Variants in GRM7 observed in about 807,000 individuals in gnomAD.
GRM7 encodes glutamate metabotropic receptor 7.
GRM7 carries 35 observed loss-of-function variants against 84.5 expected under a neutral mutation model. The ratio of observed to expected loss-of-function variants is 0.41; its 90% CI spans 0.32 to 0.55. GRM7 has a LOEUF of 0.55. GRM7 is among the 20% of genes least tolerant of loss of function. The pLI is 0.19. For synonymous variants in GRM7, 487 were observed against 455.1 expected, an observed-to-expected ratio of 1.07 and a Z score of -0.89; for missense variants, 1,003 against 1,194.6, an observed-to-expected ratio of 0.84 and a Z score of 2.36.
chr3:6,882,758 T>C (rs1695559320), intron 1 of GRM7, among the ~76,000 whole-genome samples: 2 of 152,210 alleles, frequency 1.3e-5, no homozygotes, highest in Non-Finnish European at 2.9e-5. Flanking sequence ...TGATTCCATG[T>C]CATTTAATAA....
chr3:7,399,661 G>C (rs1695364249), intron 4 of GRM7, among the ~76,000 whole-genome samples: 1 of 152,138 alleles, frequency 6.6e-6, no homozygotes. Flanking sequence ...GAGTGGCTAG[G>C]TGGCATCCTT....
intron 1 of GRM7, among the ~76,000 whole-genome samples, chr3:6,910,938 C>T (rs536426489): frequency 6.6e-6 from 1 of 152,214 alleles, no homozygotes; most frequent in South Asian, 2.1e-4. Context: ...CACTAGAAAC[C>T]ACCAATCCAG....
intron 2 of GRM7, among the ~76,000 whole-genome samples, chr3:7,153,741 CAG>C (rs1694359545): frequency 6.6e-6 from 1 of 151,998 alleles, no homozygotes; most frequent in East Asian, 1.9e-4. Context: ...GGTACTATTT[CAG>C]AGTACCTTCT....
chr3:7,173,444 A>G (rs1695049972), intron 2 of GRM7, among the ~76,000 whole-genome samples: 1 of 151,942 alleles, frequency 6.6e-6, no homozygotes, highest in Non-Finnish European at 1.5e-5. Context: ...AATGCATTTC[A>G]TATGTTACAT....
In GRM7 at chr3:7,617,937, C is replaced by T. The variant is rs552970441; in HGVS notation, c.2451+38580C>T. ...AAATGTTGCAATTAAAAGTGCCAGT[C>T]CTGGATTCTTGTGCCTGGATGCAAA... is the stretch of plus-strand genomic sequence containing the variant. On this transcript the variant is annotated intron_variant, in intron 8 of 9. Coordinates refer to ENST00000357716, the MANE Select transcript of GRM7 (RefSeq NM_000844.4). 7.2e-5 allele frequency among the ~76,000 whole-genome samples: 11 copies of T among 152,204 alleles called. No homozygotes were observed. The South Asian group carries it at 2.1e-3, about 29-fold the overall frequency.
At chr3:6,947,731 A>C (rs1288507894) in intron 1 of GRM7, among the ~76,000 whole-genome samples, 1 of 152,026 alleles carries the variant, frequency 6.6e-6, no homozygotes, top group Non-Finnish European at 1.5e-5. Context: ...TCAATTTCAG[A>C]GCCTGTTATT....
At chr3:7,692,299 T>C (rs1419549106) in intron 9 of GRM7, among the ~76,000 whole-genome samples, 1 of 152,178 alleles carries the variant, frequency 6.6e-6, no homozygotes, top group African/African-American at 2.4e-5. Context: ...CTGAAGAGCA[T>C]TTTAAGTACA....
intron 1 of GRM7, among the ~76,000 whole-genome samples, chr3:7,067,300 C>G (rs1387010221): frequency 6.6e-6 from 1 of 151,914 alleles, no homozygotes; most frequent in Non-Finnish European, 1.5e-5. Context: ...GCTCCTAGAA[C>G]TGATAAAAGA....
At chr3:7,664,205 C>A (rs775700918) in intron 8 of GRM7, among the ~76,000 whole-genome samples, 9 of 152,316 alleles carry the variant, frequency 5.9e-5, no homozygotes, top group Middle Eastern at 3.4e-3. Context: ...TGTTCCTCCC[C>A]CAAGATCAAC....
chr3:7,213,879 C>T (rs1227077884), intron 2 of GRM7, among the ~76,000 whole-genome samples: 7 of 152,080 alleles, frequency 4.6e-5, no homozygotes, highest in African/African-American at 1.7e-4. Flanking sequence ...GGGATCTGGG[C>T]AGCTCACTGC....
chr3:7,373,215 C>G (rs1042781573), intron 4 of GRM7, among the ~76,000 whole-genome samples: 5 of 152,096 alleles, frequency 3.3e-5, no homozygotes, highest in Non-Finnish European at 5.9e-5. Context: ...CTCCCTAAAT[C>G]CTATTTACTA....
intron 1 of GRM7, among the ~76,000 whole-genome samples, chr3:6,865,260 AATC>A (rs1463361014): frequency 2.1e-4 from 32 of 152,266 alleles, no homozygotes; most frequent in African/African-American, 7.5e-4. Flanking sequence ...ATTTAAAAAA[AATC>A]ATCACAGAGT....
chr3:7,067,884 G>A, intron 1 of GRM7, among the ~76,000 whole-genome samples: 1 of 151,946 alleles, frequency 6.6e-6, no homozygotes, highest in Middle Eastern at 3.4e-3. Flanking sequence ...CTGTTAACCT[G>A]AAATATATTG....
chr3:7,285,350 G>A (rs946528412), intron 2 of GRM7, among the ~76,000 whole-genome samples: 22 of 152,210 alleles, frequency 1.4e-4, no homozygotes, highest in African/African-American at 4.3e-4. Flanking sequence ...ACAGTGCACC[G>A]TTTATTGCCT....
chr3:6,901,226 C>A (rs1439194472), intron 1 of GRM7, among the ~76,000 whole-genome samples: 1 of 152,000 alleles, frequency 6.6e-6, no homozygotes, highest in Non-Finnish European at 1.5e-5. Flanking sequence ...ACAACAAGAT[C>A]CATCTGAGAA....
At chr3:7,027,408 T>C (rs1209641815) in intron 1 of GRM7, among the ~76,000 whole-genome samples, 1 of 152,236 alleles carries the variant, frequency 6.6e-6, no homozygotes, top group East Asian at 1.9e-4. Flanking sequence ...AGTAGCCATT[T>C]CTATATTTAG....
At chr3:6,930,372 G>A (rs932187980) in intron 1 of GRM7, among the ~76,000 whole-genome samples, 1 of 152,144 alleles carries the variant, frequency 6.6e-6, no homozygotes, top group African/African-American at 2.4e-5. Flanking sequence ...ACATAGAGTA[G>A]GCAAGAGGTC....
intron 2 of GRM7, among the ~76,000 whole-genome samples, chr3:7,149,881 G>T (rs545207634): frequency 1.3e-5 from 2 of 152,158 alleles, no homozygotes; most frequent in African/African-American, 4.8e-5. Flanking sequence ...TACTGTTTGA[G>T]TCTGAAAACT....
chr3:7,446,068 A>T (rs544472557), intron 5 of GRM7, among the ~76,000 whole-genome samples: 1 of 152,186 alleles, frequency 6.6e-6, no homozygotes, highest in South Asian at 2.1e-4. Context: ...ATAGATCCAA[A>T]CATCAATATT....
Sources: gnomAD v4.1 joint callset for allele counts (sites outside exome capture counted in the v4.1 genomes callset) on GRCh38, gnomAD v4.1.1 for gene constraint, MANE v1.5 for transcripts, NCBI Gene and HGNC (gene_info 2026-07-23, HGNC 2026-07-21) for gene names.